Variants in TMEM38B observed in about 807,000 individuals in gnomAD.
TMEM38B encodes trimeric intracellular cation channel type B.
In TMEM38B, 24 loss-of-function variants were observed where a neutral mutation model predicts 28.7. The observed-to-expected ratio is 0.84, with a 90% CI of 0.61 to 1.18. The LOEUF (loss-of-function observed/expected upper bound fraction) is 1.18. Among genes scored for constraint, TMEM38B ranks in the 50% most tolerant of loss-of-function variants. TMEM38B has a pLI of 0.00. For synonymous variants in TMEM38B, 131 were observed against 127.7 expected (o/e 1.03, Z -0.17); for missense variants, 380 against 350.9 (o/e 1.08, Z -0.66).
At chr9:105,763,326 C>T (rs1838135313) in intron 5 of TMEM38B, among the ~76,000 whole-genome samples, 1 of 152,232 alleles carries the variant, frequency 6.6e-6, no homozygotes, top group African/African-American at 2.4e-5. Context: ...GACATGAAGT[C>T]CTTGCCCATG....
chr9:105,710,973 C>T lies in TMEM38B; in HGVS notation c.269+5220C>T, dbSNP rs562368394. On this transcript the variant is annotated intron_variant, in intron 2 of 5. Transcript: ENST00000374692. ...AGCTGGGACCACGGTGGTTCTTTCC[C>T]GCAAGATCACCAGGCAGCTGGTGAT... 3.9e-5 allele frequency among the ~76,000 whole-genome samples: 6 copies of T among 152,178 alleles called. No individual in the cohort carries two copies. In the East Asian group the frequency reaches 7.7e-4, roughly 20 times the overall value.
At chr9:105,729,987 T>C (rs192878342) in intron 4 of TMEM38B, among the ~76,000 whole-genome samples, 39 of 152,314 alleles carry the variant, frequency 2.6e-4, no homozygotes, top group African/African-American at 8.7e-4. Context: ...GCTGAGACGA[T>C]GGGGTTTTCT....
Position 105,740,059 on chromosome 9 carries a change from T to C in TMEM38B, c.543-8014T>C, listed in dbSNP as rs546531442. On this transcript the variant is annotated intron_variant, in intron 4 of 5. Transcript: ENST00000374692. Reference sequence around the variant, plus strand: ...CACCATGCCCAGCTAGTTTCTGTATTTTTAGTAGAGACGGGGTTTCACCAT... The same window carrying C: ...CACCATGCCCAGCTAGTTTCTGTATCTTTAGTAGAGACGGGGTTTCACCAT... Among the ~76,000 whole-genome samples the C allele has an allele frequency of 8.9e-4, 135 of 151,080 alleles. 1 individual carries two copies. The highest frequency in any genetic ancestry group is 3.2e-3 in the African/African-American group (133 of 41,086).
chr9:105,762,819 T>G (rs1465912106), intron 5 of TMEM38B, among the ~76,000 whole-genome samples: 1 of 150,110 alleles, frequency 6.7e-6, no homozygotes, highest in Admixed American at 6.6e-5. Flanking sequence ...TCTAGATCCC[T>G]GAGGAATGGC....
intron 4 of TMEM38B, among the ~76,000 whole-genome samples, chr9:105,729,378 A>G (rs1373735664): frequency 6.6e-6 from 1 of 152,222 alleles, no homozygotes; most frequent in Admixed American, 6.5e-5. Context: ...TTTGTCAAAG[A>G]TCAGATGGTT....
intron 5 of TMEM38B, chr9:105,759,248 T>C: frequency 2.8e-6 from 2 of 717,144 alleles, no homozygotes; most frequent in Non-Finnish European, 5.1e-6. Context: ...TTTGTGGCTA[T>C]GTCATAGTTT....
chr9:105,710,729 C>G lies in TMEM38B; in HGVS notation c.269+4976C>G, dbSNP rs564709261. Reference sequence around the variant, plus strand: ...AAATCTTCAGACCTGGTGTCGTTGGCTATGTTCCTGACAAACAGAGACATG... The same window carrying G: ...AAATCTTCAGACCTGGTGTCGTTGGGTATGTTCCTGACAAACAGAGACATG... On this transcript the variant is annotated intron_variant, in intron 2 of 5. Coordinates refer to ENST00000374692, the MANE Select transcript of TMEM38B (RefSeq NM_018112.3). 105 of 615,080 alleles carry G rather than the reference C, an allele frequency of 1.7e-4. 1 individual carries two copies. In the African/African-American group the frequency reaches 1.7e-3, roughly 10 times the overall value. 38.1% of individuals were successfully genotyped at this position (615,080 alleles called of 1,614,324 possible). A position where few individuals can be genotyped will look rare whatever the true frequency, so the allele number is the denominator to read the frequency against.
intron 2 of TMEM38B, among the ~76,000 whole-genome samples, chr9:105,717,725 C>G (rs1056148092): frequency 1.3e-5 from 2 of 152,132 alleles, no homozygotes; most frequent in Non-Finnish European, 2.9e-5. Flanking sequence ...TTGTATGTAG[C>G]TGTAGAACAT....
At chr9:105,731,675 A>G (rs1388482106) in intron 4 of TMEM38B, among the ~76,000 whole-genome samples, 1 of 152,098 alleles carries the variant, frequency 6.6e-6, no homozygotes, top group Non-Finnish European at 1.5e-5. Context: ...CATGGTGTAT[A>G]TGTGCCACAT....
intron 4 of TMEM38B, among the ~76,000 whole-genome samples, chr9:105,742,398 A>G (rs145030571): frequency 5.6e-4 from 86 of 152,348 alleles, no homozygotes; most frequent in Admixed American, 1.8e-3. Context: ...CTGGATTTCA[A>G]AATGGCTTGG....
intron 2 of TMEM38B, among the ~76,000 whole-genome samples, chr9:105,707,058 G>T (rs925928648): frequency 6.6e-6 from 1 of 152,128 alleles, no homozygotes; most frequent in Non-Finnish European, 1.5e-5. Context: ...GATTACAGGC[G>T]TGAGCCACCA....
intron 2 of TMEM38B, 39 bp downstream of exon 2, chr9:105,705,792 A>C (rs1473851941): frequency 6.4e-7 from 1 of 1,565,320 alleles, no homozygotes. Flanking sequence ...ACATTTAAAC[A>C]ATTGTGTTGT....
intron 2 of TMEM38B, among the ~76,000 whole-genome samples, chr9:105,713,164 A>G (rs1724385737): frequency 6.6e-6 from 1 of 152,066 alleles, no homozygotes; most frequent in Admixed American, 6.5e-5. Context: ...TGCTCTTGGG[A>G]GCCAGGAGTA....
intron 4 of TMEM38B, among the ~76,000 whole-genome samples, chr9:105,744,604 A>G (rs1262326182): frequency 3.3e-5 from 5 of 149,364 alleles, no homozygotes; most frequent in African/African-American, 9.9e-5. Context: ...TTTTTATTTT[A>G]CTTTAAGTTT....
chr9:105,750,295 T>C (rs1001178282), intron 5 of TMEM38B, among the ~76,000 whole-genome samples: 1 of 152,178 alleles, frequency 6.6e-6, no homozygotes, highest in East Asian at 1.9e-4. Flanking sequence ...GTTTTTTTTT[T>C]CACTGATAGT....
At chr9:105,757,800 G>T (rs947584375) in intron 5 of TMEM38B, among the ~76,000 whole-genome samples, 10 of 152,182 alleles carry the variant, frequency 6.6e-5, no homozygotes, top group Admixed American at 4.6e-4. Flanking sequence ...ATAGAAAAAT[G>T]ATTGTAATCA....
At chr9:105,732,811 T>A (rs1274197245) in intron 4 of TMEM38B, among the ~76,000 whole-genome samples, 2 of 152,210 alleles carry the variant, frequency 1.3e-5, no homozygotes, top group Non-Finnish European at 2.9e-5. Flanking sequence ...TGGTTTTGTA[T>A]GAACTTTAAA....
chr9:105,717,876 A>G (rs78266327), intron 2 of TMEM38B, among the ~76,000 whole-genome samples: 3,526 of 152,278 alleles, frequency 0.023, 136 homozygotes, highest in African/African-American at 0.081. Flanking sequence ...ACTGTGTCCC[A>G]GTTTTCTAAG....
intron 4 of TMEM38B, among the ~76,000 whole-genome samples, chr9:105,746,849 A>G (rs1446437415): frequency 1.3e-5 from 2 of 152,024 alleles, no homozygotes; most frequent in Non-Finnish European, 1.5e-5. Context: ...GGTTTTTGTC[A>G]TTGGTTCTGT....
Sources: gnomAD v4.1 joint callset for allele counts (sites outside exome capture counted in the v4.1 genomes callset) on GRCh38, gnomAD v4.1.1 for gene constraint, MANE v1.5 for transcripts, NCBI Gene and HGNC (gene_info 2026-07-23, HGNC 2026-07-21) for gene names.